The following YIPF1 variants were observed in gnomAD, a reference collection of about 807,000 sequenced individuals.
YIPF1 encodes the protein protein YIPF1.
A neutral mutation model predicts 37.0 loss-of-function variants in YIPF1; 22 were observed. That is an observed-to-expected ratio of 0.59 (90% CI 0.42 to 0.85). The LOEUF (loss-of-function observed/expected upper bound fraction) is 0.85. YIPF1 is among the 40% of genes least tolerant of loss of function. The pLI, the probability that YIPF1 is intolerant of heterozygous loss-of-function variation, is 0.00. For synonymous variants in YIPF1, 128 were observed against 131.9 expected, an observed-to-expected ratio of 0.97 and a Z score of 0.21; for missense variants, 355 against 373.1, an observed-to-expected ratio of 0.95 and a Z score of 0.40.
At chr1:53,883,026 C>A in intron 4 of YIPF1, 87 bp downstream of exon 4, 2 of 1,432,068 alleles carry the variant, frequency 1.4e-6, no homozygotes, top group South Asian at 3.0e-5. Context: ...TTGCCTGACA[C>A]TGTACCTGGC....
intron 6 of YIPF1, among the ~76,000 whole-genome samples, chr1:53,875,001 T>A (rs1202855684): frequency 3.9e-5 from 6 of 152,182 alleles, no homozygotes; most frequent in Admixed American, 3.3e-4. Context: ...CTACAGTGGA[T>A]AATATTCTTC....
At chr1:53,853,710 T>G (rs1472229565) in intron 10 of YIPF1, among the ~76,000 whole-genome samples, 2 of 152,128 alleles carry the variant, frequency 1.3e-5, no homozygotes, top group African/African-American at 4.8e-5. Context: ...AAAATATCTG[T>G]GAAAAGTGGC....
intron 7 of YIPF1, 114 bp from the exon 8 acceptor site, chr1:53,867,038 C>A: frequency 7.9e-7 from 1 of 1,263,972 alleles, no homozygotes; most frequent in Non-Finnish European, 1.1e-6. Context: ...CTTCAGTGGA[C>A]CACGGAATCA....
In YIPF1 at chr1:53,883,113, C is replaced by T. The variant is rs758226772; in HGVS notation, c.195G>A (p.Glu65=). 2.5e-6 allele frequency: 4 copies of T among 1,568,728 alleles called. No homozygotes were observed. Among genetic ancestry groups the T allele is most frequent in the South Asian group, 1.2e-5 (1 of 82,936 alleles). ...AAATATCTCAAAGACAAGTTCAAAC[C>T]TCAGTTTTGTCAGAGTCATCATTTC... is the stretch of plus-strand genomic sequence containing the variant. ...LLGNDDSDKT[E]LLAGQKKSSP... is the part of the protein sequence containing the mutation. Residue 65 remains glutamate, a splice_region_variant and synonymous_variant, in exon 4 of 11, where the codon GAG becomes GAA. Coordinates refer to ENST00000072644, the MANE Select transcript of YIPF1 (RefSeq NM_018982.5).
chr1:53,856,645 G>T (rs534206621), intron 10 of YIPF1, among the ~76,000 whole-genome samples: 4 of 152,172 alleles, frequency 2.6e-5, no homozygotes, highest in Admixed American at 2.6e-4. Context: ...CCTCTCTGAA[G>T]CTTCCCTCCA....
intron 6 of YIPF1, among the ~76,000 whole-genome samples, chr1:53,877,922 TG>T (rs1431651874): frequency 6.6e-6 from 1 of 152,170 alleles, no homozygotes; most frequent in Non-Finnish European, 1.5e-5. Context: ...CCCAAAGTGT[TG>T]GGATTACAGG....
chr1:53,865,123 A>T (rs1169595617), intron 9 of YIPF1, among the ~76,000 whole-genome samples: 1 of 152,204 alleles, frequency 6.6e-6, no homozygotes, highest in Non-Finnish European at 1.5e-5. Context: ...ACTTTCCCAT[A>T]TCTGACTTCA....
intron 4 of YIPF1, among the ~76,000 whole-genome samples, chr1:53,879,605 C>T (rs1650432909): frequency 6.6e-6 from 1 of 152,184 alleles, no homozygotes. Context: ...TGCCCAATGC[C>T]AGGAATTGTG....
In YIPF1 at chr1:53,866,233, C is replaced by T; in HGVS notation, c.798G>A (p.Val266=). The T allele has an allele frequency of 2.5e-6, 4 of 1,614,120 alleles. No homozygotes were observed. Among genetic ancestry groups the T allele is most frequent in the Non-Finnish European group, 3.4e-6 (4 of 1,180,002 alleles). Reference sequence around the variant, plus strand: ...CCACAGAAAGCAGCATATGGAGCAACACAATTGTCACAATTGTGGCCAATG... The same window carrying T: ...CCACAGAAAGCAGCATATGGAGCAATACAATTGTCACAATTGTGGCCAATG... ...RVALATIVTI[V]LLHMLLSVGC... is the part of the protein sequence containing the mutation. The change falls in exon 9 of 11, where the codon GTG becomes GTA. Residue 266 remains valine (V), a synonymous_variant. Transcript: ENST00000072644.
At chr1:53,868,378 T>G (rs965561884) in intron 7 of YIPF1, among the ~76,000 whole-genome samples, 1 of 152,302 alleles carries the variant, frequency 6.6e-6, no homozygotes, top group East Asian at 1.9e-4. Context: ...GGGGGTAAGT[T>G]ACTTAACCTT....
chr1:53,853,797 T>C (rs960559646), intron 10 of YIPF1, among the ~76,000 whole-genome samples: 2 of 152,174 alleles, frequency 1.3e-5, no homozygotes, highest in African/African-American at 2.4e-5. Flanking sequence ...AACCATCAAC[T>C]TGGGTTCTGA....
rs902735575 is a variant in YIPF1 at position 53,889,342 on chromosome 1, G to A, written c.-148C>T. On this transcript the variant is annotated 5_prime_UTR_variant, in exon 2 of 11. Coordinates refer to ENST00000072644, the MANE Select transcript of YIPF1 (RefSeq NM_018982.5). ...GGTGATGGGGACAGTGAAGAACAAA[G>A]GCAGTTCAGCCTAGCCAGTGGTTAA... 6.0e-6 allele frequency: 1 copy of A among 166,068 alleles called. No individual in the cohort carries two copies. The highest frequency in any genetic ancestry group is 2.4e-5 in the African/African-American group (1 of 41,988). 10.3% of individuals were successfully genotyped at this position (166,068 alleles called of 1,614,324 possible). A position where few individuals can be genotyped will look rare whatever the true frequency, so the allele number is the denominator to read the frequency against.
chr1:53,856,105 C>T (rs937175235), intron 10 of YIPF1, among the ~76,000 whole-genome samples: 2 of 152,206 alleles, frequency 1.3e-5, no homozygotes, highest in African/African-American at 4.8e-5. Context: ...ATCAGCAAAG[C>T]AATTGATGCT....
intron 4 of YIPF1, among the ~76,000 whole-genome samples, chr1:53,882,458 T>C (rs1246326395): frequency 1.3e-5 from 2 of 152,076 alleles, no homozygotes; most frequent in East Asian, 3.8e-4. Context: ...TTTCCTTTTT[T>C]TTTTTTTCTT....
rs138315906 is a variant in YIPF1, at chr1:53,882,920, T to G, written c.195+193A>C. 1.1e-3 allele frequency: 543 copies of G among 501,902 alleles called. 3 individuals are homozygous for G. In the East Asian group the frequency reaches 0.02, roughly 18 times the overall value. The allele number at this position is 501,902 out of a possible 1,614,324, so 31.1% of individuals were successfully genotyped here. A position where few individuals can be genotyped will look rare whatever the true frequency, so the allele number is the denominator to read the frequency against. ...AGGATCTCTGCTCACTACCCCAGTG[T>G]TCCCCTCCACAAGTGTACTTACGGA... On this transcript the variant is annotated intron_variant, in intron 4 of 10. Coordinates refer to ENST00000072644, the MANE Select transcript of YIPF1 (RefSeq NM_018982.5).
At chr1:53,888,071 C>T (rs142995127) in intron 3 of YIPF1, among the ~76,000 whole-genome samples, 9,494 of 152,150 alleles carry the variant, frequency 0.062, 422 homozygotes, top group Middle Eastern at 0.088. Context: ...ACTAAAAATA[C>T]AAAAATTAGT....
At chr1:53,884,993 T>C (rs1650606643) in intron 3 of YIPF1, among the ~76,000 whole-genome samples, 1 of 152,154 alleles carries the variant, frequency 6.6e-6, no homozygotes. Flanking sequence ...TATGCAACAA[T>C]TACTGAAGCC....
chr1:53,876,680 A>G (rs1207828710), intron 6 of YIPF1, among the ~76,000 whole-genome samples: 1 of 152,226 alleles, frequency 6.6e-6, no homozygotes, highest in Non-Finnish European at 1.5e-5. Context: ...GTATAATCTC[A>G]GGCAAGTTAC....
intron 6 of YIPF1, 109 bp from the exon 7 acceptor site, chr1:53,871,597 A>C: frequency 2.1e-6 from 2 of 936,676 alleles, no homozygotes; most frequent in Non-Finnish European, 3.2e-6. Context: ...AAAGAAAATG[A>C]ATTTTCTAGA....
Sources: gnomAD v4.1 joint callset for allele counts (sites outside exome capture counted in the v4.1 genomes callset) on GRCh38, gnomAD v4.1.1 for gene constraint, MANE v1.5 for transcripts, NCBI Gene and HGNC (gene_info 2026-07-23, HGNC 2026-07-21) for gene names.